The following ZNF451 variants were observed in gnomAD, a reference collection of about 807,000 sequenced individuals.
ZNF451 encodes the protein zinc finger protein 451.
In ZNF451, 80 loss-of-function variants were observed where a neutral mutation model predicts 107.1. The ratio of observed to expected loss-of-function variants is 0.75; its 90% CI spans 0.62 to 0.90. The LOEUF (loss-of-function observed/expected upper bound fraction) is 0.90, where lower values mean the gene tolerates loss of function less well. Ranked by LOEUF, ZNF451 falls within the 40% of genes least tolerant of loss-of-function variation. ZNF451 has a pLI of 0.00. For synonymous variants in ZNF451, 362 were observed against 406.5 expected (o/e 0.89, Z 1.32); for missense variants, 1,107 against 1,236.2 (o/e 0.90, Z 1.57).
At chr6:57,102,943 GC>G (rs925268513) in intron 3 of ZNF451, 15 of 985,308 alleles carry the variant, frequency 1.5e-5, no homozygotes, top group African/African-American at 7.0e-5. Context: ...CTCGTATCAA[GC>G]TGTAAGACTG....
intron 13 of ZNF451, chr6:57,154,412 G>T: frequency 2.6e-6 from 1 of 390,566 alleles, no homozygotes; most frequent in Non-Finnish European, 4.5e-6. Flanking sequence ...TTAGAAAGCA[G>T]TGCGCTTAGA....
At chr6:57,159,256 GACAA>G in intron 13 of ZNF451, 1 of 985,350 alleles carries the variant, frequency 1.0e-6, no homozygotes. Flanking sequence ...GTTAATCCTT[GACAA>G]ATCAAGGATT....
chr6:57,109,138 T>TA, intron 3 of ZNF451: 1 of 985,494 alleles, frequency 1.0e-6, no homozygotes, highest in Non-Finnish European at 1.2e-6. Flanking sequence ...CCTATCCTCT[T>TA]AGTTCTCCCA....
rs535086956 is a variant in ZNF451 at position 57,146,729 on chromosome 6, AC to A, written c.1005-359del. The stretch of plus-strand genomic sequence containing the variant: ...AGGAACTGGGTTGTCTAGAATCTTA[AC>A]CATAGTGTTCTTACATACAGTTTAA... On this transcript the variant is annotated intron_variant, in intron 9 of 14. Coordinates refer to ENST00000370706, the MANE Select transcript of ZNF451 (RefSeq NM_001031623.3). Among the ~76,000 whole-genome samples, 41 of 152,264 alleles carry A rather than the reference AC, an allele frequency of 2.7e-4. 1 individual carries two copies. In the East Asian group the frequency reaches 6.7e-3, roughly 25 times the overall value.
chr6:57,144,430 G>A (rs1562619508), intron 9 of ZNF451, among the ~76,000 whole-genome samples: 1 of 151,338 alleles, frequency 6.6e-6, no homozygotes. Flanking sequence ...TTGTAGAGAC[G>A]GGGTTTCACC....
chr6:57,120,850 G>T (rs903635084), intron 3 of ZNF451, among the ~76,000 whole-genome samples: 2 of 151,986 alleles, frequency 1.3e-5, no homozygotes, highest in Non-Finnish European at 2.9e-5. Flanking sequence ...GTTCTTATTT[G>T]TTTGACATTG....
At chr6:57,099,030 A>T in intron 2 of ZNF451, 31 bp from the exon 3 acceptor site, 1 of 1,580,302 alleles carries the variant, frequency 6.3e-7, no homozygotes. Context: ...ATAACTGTTA[A>T]TGACTTCTAA....
At chr6:57,141,589 A>AT (rs1014741500) in intron 8 of ZNF451, 134 bp downstream of exon 8, 2 of 857,994 alleles carry the variant, frequency 2.3e-6, no homozygotes, top group Non-Finnish European at 3.4e-6. Flanking sequence ...GATTATCTCA[A>AT]TTCCTACTTA....
At position 57,161,148 on chromosome 6, in the gene ZNF451, A is replaced by G; in HGVS notation, c.3135A>G (p.Thr1045=). Residue 1045 remains threonine, a synonymous_variant, in exon 14 of 15, where the codon ACA becomes ACG. Coordinates refer to ENST00000370706, the MANE Select transcript of ZNF451 (RefSeq NM_001031623.3). ...CAATAGGAGAAGAATTTATATCCAC[A>G]GAAGGTAACCTAATAGAGTTAATCT... ...NTSIGEEFIS[T]EDVELEEAIR... The G allele has an allele frequency of 6.6e-7, 1 of 1,518,378 alleles. No individual in the cohort carries two copies. Among genetic ancestry groups the G allele is most frequent in the Non-Finnish European group, 8.8e-7 (1 of 1,133,614 alleles). The allele number at this position is 1,518,378 out of a possible 1,614,324, so 94.1% of individuals were successfully genotyped here. A position where few individuals can be genotyped will look rare whatever the true frequency, so the allele number is the denominator to read the frequency against.
chr6:57,105,134 C>A, intron 3 of ZNF451: 1 of 985,336 alleles, frequency 1.0e-6, no homozygotes, highest in Non-Finnish European at 1.2e-6. Context: ...CATATTATGC[C>A]TGCCATGTTC....
chr6:57,100,259 T>C (rs565022340), intron 3 of ZNF451, among the ~76,000 whole-genome samples: 1 of 152,332 alleles, frequency 6.6e-6, no homozygotes, highest in South Asian at 2.1e-4. Flanking sequence ...TTGAATGGGA[T>C]ATTTTTTTCT....
intron 10 of ZNF451, among the ~76,000 whole-genome samples, chr6:57,149,975 T>C (rs931921953): frequency 2.0e-5 from 3 of 152,176 alleles, no homozygotes; most frequent in African/African-American, 7.2e-5. Flanking sequence ...ACTATTAGAA[T>C]AGAAACTATT....
At chr6:57,111,673 G>A (rs559145843) in intron 3 of ZNF451, among the ~76,000 whole-genome samples, 3 of 152,120 alleles carry the variant, frequency 2.0e-5, no homozygotes, top group Non-Finnish European at 4.4e-5. Flanking sequence ...GAGCCACCAC[G>A]CCTGGCCGTA....
Position 57,134,770 on chromosome 6 carries a change from C to G in ZNF451, c.602C>G (p.Thr201Arg). The change falls in exon 7 of 15, where the codon ACA becomes AGA. Residue 201 changes from threonine to arginine, a missense_variant. Coordinates refer to ENST00000370706, the MANE Select transcript of ZNF451 (RefSeq NM_001031623.3). ...KRFDHSPCDP[T>R]ITLHGPFFSS... ...TTCGATCACTCTCCATGTGATCCAA[C>G]AATTACACTACATGGACCTTTCTTC... 2 of 1,613,238 alleles carry G rather than the reference C, an allele frequency of 1.2e-6. No homozygotes were observed. The highest frequency in any genetic ancestry group is 1.7e-6 in the Non-Finnish European group (2 of 1,179,632).
chr6:57,153,302 C>G (rs1832432780), intron 12 of ZNF451, among the ~76,000 whole-genome samples: 1 of 152,060 alleles, frequency 6.6e-6, no homozygotes, highest in African/African-American at 2.4e-5. Context: ...TCCATTTTGG[C>G]TTTTTCTTTT....
intron 13 of ZNF451, among the ~76,000 whole-genome samples, chr6:57,156,680 C>T (rs1001318038): frequency 3.3e-5 from 5 of 152,268 alleles, no homozygotes; most frequent in African/African-American, 4.8e-5. Flanking sequence ...GTGGTCTCAA[C>T]GCTTCTAGAT....
At position 57,106,204 on chromosome 6, in the gene ZNF451, C is replaced by T. The variant is rs184102293; in HGVS notation, c.186+7063C>T. 2.2e-5 allele frequency: 22 copies of T among 984,576 alleles called. No homozygotes were observed. In the Admixed American group the frequency reaches 5.6e-4, roughly 25 times the overall value. The allele number at this position is 984,576 out of a possible 1,614,324, so 61.0% of individuals were successfully genotyped here. On this transcript the variant is annotated intron_variant, in intron 3 of 14. Transcript: ENST00000370706. ...TACTGATGTGGATGGACATGACATTCATTATTCTTGAAGATATAACTAGTT... is the reference window on the plus strand; with the variant it reads ...TACTGATGTGGATGGACATGACATTTATTATTCTTGAAGATATAACTAGTT...
chr6:57,158,479 C>A (rs1763531699), intron 13 of ZNF451: 2 of 983,714 alleles, frequency 2.0e-6, no homozygotes, highest in Non-Finnish European at 2.4e-6. Flanking sequence ...TCTTTAGGAT[C>A]TTTTGTCTCA....
chr6:57,091,659 T>G (rs1433690739), intron 2 of ZNF451, among the ~76,000 whole-genome samples: 1 of 152,206 alleles, frequency 6.6e-6, no homozygotes, highest in Admixed American at 6.5e-5. Flanking sequence ...TATTGGAGTT[T>G]TAGAAAGGCT....
Sources: allele counts gnomAD v4.1 joint callset (sites outside exome capture counted in the v4.1 genomes callset), GRCh38; gene constraint gnomAD v4.1.1; transcripts MANE v1.5; gene names NCBI Gene and HGNC (gene_info 2026-07-23, HGNC 2026-07-21).